ATRIP: variants seen among roughly 807,000 people sequenced by gnomAD.
ATRIP encodes the protein ATR interacting protein.
A neutral mutation model predicts 78.1 loss-of-function variants in ATRIP; 44 were observed. The observed-to-expected ratio is 0.56, with a 90% CI of 0.44 to 0.72. ATRIP has a LOEUF of 0.72. ATRIP is among the 30% of genes least tolerant of loss of function. The probability of loss-of-function intolerance (pLI) is 0.00; values close to 1 mark genes in which losing one functional copy is unlikely to be tolerated. For synonymous variants in ATRIP, 388 were observed against 408.9 expected, an observed-to-expected ratio of 0.95 and a Z score of 0.62; for missense variants, 927 against 980.2, an observed-to-expected ratio of 0.95 and a Z score of 0.72.
chr3:48,460,269 A>C lies in ATRIP; in HGVS notation c.1215A>C (p.Arg405Ser). The C allele has an allele frequency of 1.2e-6, 2 of 1,614,054 alleles. No homozygotes were observed. Among genetic ancestry groups the C allele is most frequent in the Non-Finnish European group, 1.7e-6 (2 of 1,180,000 alleles). The change falls in exon 8 of 13, where the codon AGA becomes AGC. Residue 405 changes from arginine to serine, a missense_variant. Physicochemically the swap from Arg to Ser is moderately radical, Grantham distance 110. Coordinates refer to ENST00000320211, the MANE Select transcript of ATRIP (RefSeq NM_130384.3). The part of the protein sequence containing the change: ...SRDGDPAEGG[R>S]RAFPLCQLPG... The stretch of plus-strand genomic sequence containing the variant: ...ATGGAGACCCAGCAGAGGGAGGCAG[A>C]AGGGCCTTCCCACTCTGCCAGCTTC...
intron 1 of ATRIP, among the ~76,000 whole-genome samples, chr3:48,449,743 T>C (rs572310321): frequency 2.2e-5 from 3 of 133,556 alleles, no homozygotes; most frequent in East Asian, 4.3e-4. Context: ...CTGGCTAACA[T>C]GGTGAAACGC....
intron 11 of ATRIP, 58 bp downstream of exon 11, chr3:48,464,720 G>C: frequency 1.2e-6 from 2 of 1,613,018 alleles, no homozygotes; most frequent in Non-Finnish European, 1.7e-6. Context: ...CCCGTGCAAG[G>C]ACTGTAGGCC....
chr3:48,457,358 G>C lies in ATRIP; in HGVS notation c.771G>C (p.Met257Ile). 1.2e-6 allele frequency: 2 copies of C among 1,604,602 alleles called. No individual in the cohort carries two copies. The highest frequency in any genetic ancestry group is 1.7e-6 in the Non-Finnish European group (2 of 1,175,846). The change falls in exon 5 of 13, where the codon ATG (methionine) becomes ATC (isoleucine). Residue 257 changes from methionine to isoleucine, a missense_variant. Physicochemically the swap from Met to Ile is conservative, Grantham distance 10. Coordinates refer to ENST00000320211, the MANE Select transcript of ATRIP (RefSeq NM_130384.3). ...FPTKESFSAN[M>I]SLPHPCQTES... ...CAAAGGAGTCTTTTAGTGCTAACAT[G>C]TCCCTTCCCCACCCCTGCCAGACGG...
At position 48,446,812 on chromosome 3, in the gene ATRIP, C is replaced by T. The variant is rs1458039115; in HGVS notation, c.-34C>T. 9 of 1,378,434 alleles carry T rather than the reference C, an allele frequency of 6.5e-6. No homozygotes were observed. Among genetic ancestry groups the T allele is most frequent in the Admixed American group, 3.0e-5 (1 of 32,812 alleles). The allele number at this position is 1,378,434 out of a possible 1,614,324, so 85.4% of individuals were successfully genotyped here. On this transcript the variant is annotated 5_prime_UTR_variant, in exon 1 of 13. Coordinates refer to ENST00000320211, the MANE Select transcript of ATRIP (RefSeq NM_130384.3). ...GGCCTGGCGGCAGGCAAGTCTAGCTCGGCGCTGTCGGATACTTGGGGTGAG... is the reference window on the plus strand; with the variant it reads ...GGCCTGGCGGCAGGCAAGTCTAGCTTGGCGCTGTCGGATACTTGGGGTGAG...
chr3:48,460,087 T>G (rs2040058032), intron 7 of ATRIP, 23 bp from the exon 8 acceptor site: 1 of 1,593,272 alleles, frequency 6.3e-7, no homozygotes, highest in East Asian at 2.2e-5. Context: ...ACTTAATCTA[T>G]TTTTCTTTGT....
Position 48,467,276 on chromosome 3 carries a change from C to G in ATRIP, c.*1722C>G, listed in dbSNP as rs1416361972. On this transcript the variant is annotated 3_prime_UTR_variant, in exon 13 of 13. Transcript: ENST00000320211. The stretch of plus-strand genomic sequence containing the variant: ...GTGATGTCCTGGCCCTGCTCAGCAT[C>G]TGTCAGTGGAGACCACAGGCCCTGC... 3 of 1,614,078 alleles carry G rather than the reference C, an allele frequency of 1.9e-6. No individual in the cohort carries two copies. The African/African-American group carries it at 4.0e-5, about 22-fold the overall frequency.
intron 8 of ATRIP, 34 bp downstream of exon 8, chr3:48,460,833 G>A (rs1355272180): frequency 6.5e-7 from 1 of 1,549,984 alleles, no homozygotes; most frequent in Non-Finnish European, 8.8e-7. Context: ...GATTCTTTGT[G>A]GGTCTCACCT....
At position 48,460,781 on chromosome 3, in the gene ATRIP, C is replaced by A. The variant is rs1220169209; in HGVS notation, c.1727C>A (p.Ser576Tyr). ...TTGGTGAAATTAGCCGAAAACACTT[C>A]CTGTGATTTCTTGCCCAGGTATTAA... is the stretch of plus-strand genomic sequence containing the variant. ...KVLVKLAENT[S>Y]CDFLPRFQCV... is the part of the protein sequence containing the mutation. The change falls in exon 8 of 13, where the codon TCC (serine) becomes TAC (tyrosine). Residue 576 changes from serine to tyrosine, a missense_variant. Transcript: ENST00000320211. 6.3e-7 allele frequency: 1 copy of A among 1,598,684 alleles called. No homozygotes were observed. Among genetic ancestry groups the A allele is most frequent in the Non-Finnish European group, 8.6e-7 (1 of 1,167,676 alleles).
In ATRIP at chr3:48,460,394, G is replaced by A. The variant is rs944547846; in HGVS notation, c.1340G>A (p.Gly447Glu). 1.2e-6 allele frequency: 2 copies of A among 1,613,580 alleles called. No individual in the cohort carries two copies. The highest frequency in any genetic ancestry group is 3.3e-5 in the Admixed American group (2 of 59,954). Residue 447 changes from glycine to glutamate, a missense_variant, in exon 8 of 13, where the codon GGG becomes GAG. By Grantham distance (98) the Gly-to-Glu change is moderately conservative. Transcript: ENST00000320211. ...GCTGCTAAGAGAAGCGGAGCACCTGGGGACTCACCGACACATTCCTCCTGC... is the reference window on the plus strand; with the variant it reads ...GCTGCTAAGAGAAGCGGAGCACCTGAGGACTCACCGACACATTCCTCCTGC... ...LAAAKRSGAP[G>E]DSPTHSSCVS... is the part of the protein sequence containing the mutation.
intron 1 of ATRIP, chr3:48,447,328 C>T (rs1406148299): frequency 8.3e-7 from 1 of 1,211,902 alleles, no homozygotes; most frequent in Non-Finnish European, 1.0e-6. Flanking sequence ...TGACATTTTA[C>T]GTTATTTTCT....
At chr3:48,449,243 G>A (rs1254957461) in intron 1 of ATRIP, among the ~76,000 whole-genome samples, 1 of 151,524 alleles carries the variant, frequency 6.6e-6, no homozygotes, top group African/African-American at 2.4e-5. Flanking sequence ...GTGAAACCCC[G>A]TCTCTACTAA....
In ATRIP at chr3:48,459,891, C is replaced by A; in HGVS notation, c.1030C>A (p.Pro344Thr). The change falls in exon 7 of 13, where the codon CCC (proline) becomes ACC (threonine). Residue 344 changes from proline to threonine, a missense_variant. By Grantham distance (38) the Pro-to-Thr change is conservative (BLOSUM62 -1). Transcript: ENST00000320211. ...SSSSESPAGTPLQPPGFGSTL... is the reference protein window; with the variant it reads ...SSSSESPAGTTLQPPGFGSTL... ...TAGTTCTGAGTCTCCTGCTGGCACC[C>A]CCCTGCAGCCACCAGGGTTTGGCAG... is the stretch of plus-strand genomic sequence containing the variant. 6.2e-7 allele frequency: 1 copy of A among 1,613,498 alleles called. No homozygotes were observed. Among genetic ancestry groups the A allele is most frequent in the Non-Finnish European group, 8.5e-7 (1 of 1,179,780 alleles).
intron 11 of ATRIP, 38 bp downstream of exon 11, chr3:48,464,700 G>T: frequency 6.2e-7 from 1 of 1,613,744 alleles, no homozygotes; most frequent in Non-Finnish European, 8.5e-7. Context: ...AGCTCTGGTG[G>T]TAAGGGGGCC....
At chr3:48,454,997 G>A (rs2039920380) in intron 4 of ATRIP, among the ~76,000 whole-genome samples, 1 of 151,894 alleles carries the variant, frequency 6.6e-6, no homozygotes, top group East Asian at 1.9e-4. Flanking sequence ...TGAGTAGCTG[G>A]GACTACAGGC....
intron 4 of ATRIP, 44 bp downstream of exon 4, chr3:48,454,462 G>A (rs1171435775): frequency 6.8e-7 from 1 of 1,466,472 alleles, no homozygotes; most frequent in Non-Finnish European, 9.5e-7. Flanking sequence ...GCATTATTTA[G>A]TAAAAAATCT....
chr3:48,466,503 G>A lies in ATRIP; in HGVS notation c.*949G>A, dbSNP rs759414223. Reference sequence around the variant, plus strand: ...TTCCTGCCTGAAAATGGGCCCTGGAGCTCGCAGACAGGGCAGGATTGTGCA... The same window carrying A: ...TTCCTGCCTGAAAATGGGCCCTGGAACTCGCAGACAGGGCAGGATTGTGCA... On this transcript the variant is annotated 3_prime_UTR_variant, in exon 13 of 13. Transcript: ENST00000320211. 2 of 1,614,004 alleles carry A rather than the reference G, an allele frequency of 1.2e-6. No homozygotes were observed. The highest frequency in any genetic ancestry group is 2.2e-5 in the East Asian group (1 of 44,888).
chr3:48,446,999 C>T lies in ATRIP; in HGVS notation c.154C>T (p.His52Tyr), dbSNP rs1388685226. The T allele has an allele frequency of 6.3e-7, 1 of 1,579,890 alleles. No homozygotes were observed. The highest frequency in any genetic ancestry group is 1.8e-5 in the Admixed American group (1 of 55,594). The change falls in exon 1 of 13, where the codon CAT (histidine) becomes TAT (tyrosine). Residue 52 changes from histidine to tyrosine, a missense_variant. Physicochemically the swap from His to Tyr is moderately conservative, Grantham distance 83. Coordinates refer to ENST00000320211, the MANE Select transcript of ATRIP (RefSeq NM_130384.3). ...APDPDDPFGA[H>Y]GDFTADDLEE... Reference sequence around the variant, plus strand: ...GGACCCTGACGACCCGTTCGGCGCGCATGGGGACTTCACTGCCGACGACCT... The same window carrying T: ...GGACCCTGACGACCCGTTCGGCGCGTATGGGGACTTCACTGCCGACGACCT...
chr3:48,446,776 T>C lies in ATRIP; in HGVS notation c.-70T>C, dbSNP rs1460582245. 5 of 1,348,428 alleles carry C rather than the reference T, an allele frequency of 3.7e-6. No homozygotes were observed. Among genetic ancestry groups the C allele is most frequent in the Admixed American group, 6.2e-5 (2 of 32,422 alleles). The allele number at this position is 1,348,428 out of a possible 1,614,324, so 83.5% of individuals were successfully genotyped here. ...CAAGCGGCGGCGCGCGGACGGTTGG[T>C]CCAGTTCTCCGGCCTGGCGGCAGGC... On this transcript the variant is annotated 5_prime_UTR_variant, in exon 1 of 13. Coordinates refer to ENST00000320211, the MANE Select transcript of ATRIP (RefSeq NM_130384.3).
At position 48,464,746 on chromosome 3, in the gene ATRIP, T is replaced by C; in HGVS notation, c.2055+84T>C. 3 of 1,606,968 alleles carry C rather than the reference T, an allele frequency of 1.9e-6. No individual in the cohort carries two copies. In the Admixed American group the frequency reaches 5.0e-5, roughly 27 times the overall value. ...ACTGTAGGCCCCACTGCAAACCCCC[T>C]CACGTGAGGTGGCTAGGCTGAGCGG... On this transcript the variant is annotated intron_variant, in intron 11 of 12. Transcript: ENST00000320211.
Sources: allele counts gnomAD v4.1 joint callset (sites outside exome capture counted in the v4.1 genomes callset), GRCh38; gene constraint gnomAD v4.1.1; transcripts MANE v1.5; gene names NCBI Gene and HGNC (gene_info 2026-07-23, HGNC 2026-07-21).